The following PHKA1 variants were observed in gnomAD, a reference collection of about 807,000 sequenced individuals.
PHKA1 encodes phosphorylase kinase regulatory subunit alpha 1, also known as phosphorylase b kinase regulatory subunit alpha, skeletal muscle isoform.
Under a neutral mutation model 110.2 loss-of-function variants are expected in PHKA1, and 60 were observed. The observed-to-expected ratio is 0.54, with a 90% CI of 0.44 to 0.68. The LOEUF is 0.68. Among genes scored for constraint, PHKA1 ranks in the 30% least tolerant of loss-of-function variants. The pLI, the probability that PHKA1 is intolerant of heterozygous loss-of-function variation, is 0.00. For synonymous variants in PHKA1, 316 were observed against 333.6 expected (o/e 0.95, Z 0.58); for missense variants, 801 against 942.5 (o/e 0.85, Z 1.97).
At chrX:72,662,711 G>A (rs2053574399) in intron 8 of PHKA1, among the ~76,000 whole-genome samples, 2 of 111,546 alleles carry the variant, frequency 1.8e-5, no homozygotes, top group African/African-American at 6.5e-5. Flanking sequence ...CTGTTCAGGA[G>A]CCCACCCCTA....
intron 17 of PHKA1, among the ~76,000 whole-genome samples, chrX:72,625,225 T>A (rs782591438): frequency 3.6e-5 from 4 of 111,781 alleles, no homozygotes; most frequent in Non-Finnish European, 7.5e-5. Flanking sequence ...CAGTATCCAA[T>A]AGGTAGTTTG....
At chrX:72,625,997 TTAAG>T (rs1372309299) in intron 17 of PHKA1, among the ~76,000 whole-genome samples, 1 of 111,011 alleles carries the variant, frequency 9.0e-6, no homozygotes, top group Non-Finnish European at 1.9e-5. Flanking sequence ...CAAAGAAAAC[TTAAG>T]TATTTAGGGT....
chrX:72,623,011 A>C, intron 18 of PHKA1, 98 bp downstream of exon 18: 2 of 1,186,804 alleles, frequency 1.7e-6, no homozygotes, highest in Non-Finnish European at 2.3e-6. Context: ...AGGATAGAAC[A>C]CTGTGAGACT....
At chrX:72,664,466 C>T (rs1556305628) in intron 8 of PHKA1, among the ~76,000 whole-genome samples, 1 of 111,262 alleles carries the variant, frequency 9.0e-6, no homozygotes, top group Non-Finnish European at 1.9e-5. Flanking sequence ...AGTTAGACTC[C>T]AGTACAATAA....
At chrX:72,631,855 C>T (rs1357760552) in intron 16 of PHKA1, among the ~76,000 whole-genome samples, 2 of 111,423 alleles carry the variant, frequency 1.8e-5, no homozygotes, top group Non-Finnish European at 3.8e-5. Context: ...AACTAAAAGT[C>T]ACTTTTTAAA....
chrX:72,681,725 G>A (rs1254742265), intron 5 of PHKA1, among the ~76,000 whole-genome samples: 1 of 74,418 alleles, frequency 1.3e-5, no homozygotes, highest in Non-Finnish European at 2.5e-5. Flanking sequence ...GAGGTGGGGG[G>A]GTCAGCCCTC....
intron 14 of PHKA1, among the ~76,000 whole-genome samples, chrX:72,637,829 A>G (rs2053246843): frequency 8.9e-6 from 1 of 111,802 alleles, no homozygotes; most frequent in African/African-American, 3.3e-5. Flanking sequence ...TTTGGGTTGT[A>G]CTGGTATCTT....
intron 6 of PHKA1, among the ~76,000 whole-genome samples, chrX:72,671,303 G>C (rs1296978293): frequency 6.3e-5 from 7 of 111,150 alleles, no homozygotes; most frequent in Non-Finnish European, 1.1e-4. Flanking sequence ...CAGACAAACA[G>C]AGAGCCAAAT....
intron 5 of PHKA1, among the ~76,000 whole-genome samples, chrX:72,682,144 G>A (rs1556316040): frequency 2.6e-5 from 2 of 75,968 alleles, no homozygotes; most frequent in Non-Finnish European, 2.6e-5. Flanking sequence ...CTGCCCGGCC[G>A]CCCCTACTGG....
Position 72,619,224 on chromosome X carries a change from T to C in PHKA1, c.2219A>G (p.Gln740Arg), listed in dbSNP as rs2147705472. 2 of 1,171,260 alleles carry C rather than the reference T, an allele frequency of 1.7e-6. No individual in the cohort carries two copies. Among genetic ancestry groups the C allele is most frequent in the Non-Finnish European group, 2.3e-6 (2 of 858,776 alleles). ...CCTGCACAAATTTACCTGGTTCTCC[T>C]GTCGGGGATGAGGTGAATCAAGTAA... is the stretch of plus-strand genomic sequence containing the variant. The part of the protein sequence containing the change: ...FNLLDSPHPR[Q>R]ENQVPSVRVE... The change falls in exon 20 of 32, where the codon CAG (glutamine) becomes CGG (arginine). Residue 740 changes from glutamine to arginine, a missense_variant. Gln to Arg is a conservative substitution (Grantham distance 43). Transcript: ENST00000373542.
chrX:72,710,188 G>C (rs782524737), intron 2 of PHKA1, among the ~76,000 whole-genome samples: 110 of 111,437 alleles, frequency 9.9e-4, no homozygotes, highest in Non-Finnish European at 1.7e-3. Flanking sequence ...TTATATACAG[G>C]GGACCCCTGA....
Position 72,582,482 on chromosome X carries a change from T to C in PHKA1, c.3414A>G (p.Ala1138=). Residue 1138 remains alanine (A), a synonymous_variant, in exon 31 of 32, where the codon GCA becomes GCG. Transcript: ENST00000373542. ...TTCCGATGCTATGAATTTCAATATC[T>C]GCCAGCATGGTGAGGACAAGGATGG... is the stretch of plus-strand genomic sequence containing the variant. ...VEAILVLTML[A]DIEIHSIGSI... 8.3e-7 allele frequency: 1 copy of C among 1,205,511 alleles called. No individual in the cohort carries two copies. Among genetic ancestry groups the C allele is most frequent in the Non-Finnish European group, 1.1e-6 (1 of 889,645 alleles).
At chrX:72,670,977 T>C (rs1194187049) in intron 6 of PHKA1, among the ~76,000 whole-genome samples, 2 of 111,771 alleles carry the variant, frequency 1.8e-5, no homozygotes, top group Non-Finnish European at 3.8e-5. Context: ...ACAGCCAGTA[T>C]CATACTGAAT....
At chrX:72,601,528 A>G (rs2052657163) in intron 28 of PHKA1, among the ~76,000 whole-genome samples, 2 of 110,977 alleles carry the variant, frequency 1.8e-5, no homozygotes, top group African/African-American at 6.6e-5. Context: ...GTAGAAGATG[A>G]GGAGCCTGAT....
At chrX:72,668,765 T>C (rs1191523946) in intron 6 of PHKA1, among the ~76,000 whole-genome samples, 1 of 111,595 alleles carries the variant, frequency 9.0e-6, no homozygotes, top group African/African-American at 3.3e-5. Flanking sequence ...TTCTCACATA[T>C]AAATACATTC....
At chrX:72,650,317 C>G in intron 13 of PHKA1, 73 bp downstream of exon 13, 1 of 808,241 alleles carries the variant, frequency 1.2e-6, no homozygotes. Context: ...TCATAATTTA[C>G]TAGCCTAAAG....
chrX:72,655,783 C>T (rs1423302891), intron 10 of PHKA1, among the ~76,000 whole-genome samples: 8 of 111,783 alleles, frequency 7.2e-5, no homozygotes, highest in Admixed American at 6.6e-4. Flanking sequence ...CCACCACGCC[C>T]AGCTAATTTT....
intron 4 of PHKA1, among the ~76,000 whole-genome samples, chrX:72,690,720 A>T (rs2073697673): frequency 8.9e-6 from 1 of 112,224 alleles, no homozygotes; most frequent in African/African-American, 3.2e-5. Context: ...TCCTTCTTAC[A>T]TTTAGGCCTA....
chrX:72,582,918 G>C (rs1423915070), intron 30 of PHKA1, among the ~76,000 whole-genome samples: 1 of 111,745 alleles, frequency 8.9e-6, no homozygotes, highest in African/African-American at 3.3e-5. Flanking sequence ...AAAACTAGAG[G>C]TAACCTAAAC....
Sources: gnomAD v4.1 joint callset for allele counts (sites outside exome capture counted in the v4.1 genomes callset) on GRCh38, gnomAD v4.1.1 for gene constraint, MANE v1.5 for transcripts, NCBI Gene and HGNC (gene_info 2026-07-23, HGNC 2026-07-21) for gene names.